The following SVEP1 variants were observed in gnomAD, a reference collection of about 807,000 sequenced individuals.
The protein encoded by SVEP1 is sushi, von Willebrand factor type A, EGF and pentraxin domain-containing protein 1.
SVEP1 carries 164 observed loss-of-function variants against 367.3 expected under a neutral mutation model. That is an observed-to-expected ratio of 0.45 (90% CI 0.39 to 0.51). The LOEUF is 0.51. Among genes scored for constraint, SVEP1 ranks in the 20% least tolerant of loss-of-function variants. The probability of loss-of-function intolerance (pLI) is 0.00; values close to 1 mark genes in which losing one functional copy is unlikely to be tolerated. For synonymous variants in SVEP1, 1,666 were observed against 1,611.6 expected, an observed-to-expected ratio of 1.03 and a Z score of -0.81; for missense variants, 4,117 against 4,425.3, an observed-to-expected ratio of 0.93 and a Z score of 1.98.
At chr9:110,531,211 T>C (rs1468112843) in intron 3 of SVEP1, among the ~76,000 whole-genome samples, 1 of 152,218 alleles carries the variant, frequency 6.6e-6, no homozygotes, top group Non-Finnish European at 1.5e-5. Context: ...ATATAGTGAT[T>C]TGATTTTTTT....
chr9:110,503,625 A>G (rs1347762383), intron 5 of SVEP1, among the ~76,000 whole-genome samples: 1 of 152,228 alleles, frequency 6.6e-6, no homozygotes, highest in Non-Finnish European at 1.5e-5. Flanking sequence ...TTTCAGGTTC[A>G]TGATCGACTT....
At chr9:110,458,865 A>G in intron 19 of SVEP1, 87 bp downstream of exon 19, 4 of 1,480,470 alleles carry the variant, frequency 2.7e-6, no homozygotes, top group Middle Eastern at 1.8e-4. Context: ...CACCGAAAAT[A>G]GTAATATTCA....
intron 43 of SVEP1, among the ~76,000 whole-genome samples, chr9:110,385,341 A>G (rs572664783): frequency 6.6e-6 from 1 of 152,348 alleles, no homozygotes; most frequent in African/African-American, 2.4e-5. Context: ...GCGTTATCAC[A>G]AGGCTGAAAA....
chr9:110,442,997 A>T (rs1198868362), intron 27 of SVEP1: 1 of 152,208 alleles, frequency 6.6e-6, no homozygotes, highest in African/African-American at 2.4e-5. Context: ...AAATAATGTC[A>T]TATGCATATA....
chr9:110,524,000 A>G (rs1455367920), intron 3 of SVEP1, among the ~76,000 whole-genome samples: 1 of 152,126 alleles, frequency 6.6e-6, no homozygotes, highest in Non-Finnish European at 1.5e-5. Context: ...CTCCATGGAC[A>G]TGGAAAAGAT....
At chr9:110,386,553 T>C (rs1270721349) in intron 42 of SVEP1, among the ~76,000 whole-genome samples, 1 of 152,216 alleles carries the variant, frequency 6.6e-6, no homozygotes, top group Admixed American at 6.5e-5. Flanking sequence ...GAGCTGAATG[T>C]GACTTTAGAC....
At chr9:110,393,304 T>G (rs944635553) in intron 40 of SVEP1, among the ~76,000 whole-genome samples, 1 of 152,184 alleles carries the variant, frequency 6.6e-6, no homozygotes, top group Admixed American at 6.6e-5. Flanking sequence ...ATAAGCCTGG[T>G]CCCAGACTGC....
chr9:110,531,739 G>A (rs770715565), intron 3 of SVEP1, among the ~76,000 whole-genome samples: 9 of 152,202 alleles, frequency 5.9e-5, no homozygotes, highest in East Asian at 3.9e-4. Flanking sequence ...TAAATAGCTC[G>A]TTTAGTAAAA....
At chr9:110,562,220 A>C (rs575078986) in intron 1 of SVEP1, among the ~76,000 whole-genome samples, 34 of 149,048 alleles carry the variant, frequency 2.3e-4, no homozygotes, top group Admixed American at 1.3e-3. Context: ...GGAATAAAGA[A>C]AATATGAATA....
At chr9:110,437,571 C>T (rs1356220455) in intron 27 of SVEP1, among the ~76,000 whole-genome samples, 1 of 152,220 alleles carries the variant, frequency 6.6e-6, no homozygotes, top group Non-Finnish European at 1.5e-5. Context: ...TTCTCAGTCT[C>T]CCTTCTCTGC....
rs1395294932 is a variant in SVEP1 at position 110,514,107 on chromosome 9, C to G, written c.965-1G>C. ...GGTTTGTATGTCCCCGATGGGCAAG[C>G]TGTGGGCAGACAAGCCGGAGAAGTC... On this transcript the variant is annotated splice_acceptor_variant, in intron 3 of 47. Transcript: ENST00000374469. LOFTEE classifies it high-confidence loss of function. 1.9e-6 allele frequency: 3 copies of G among 1,608,038 alleles called. No homozygotes were observed. Among genetic ancestry groups the G allele is most frequent in the Non-Finnish European group, 2.5e-6 (3 of 1,176,960 alleles).
Position 110,390,336 on chromosome 9 carries a change from C to CTTATATAAGTATATATATACGTATATAT in SVEP1, c.9823-750_9823-749insATATATACGTATATATATACTTATATAA, listed in dbSNP as rs1288152358. ...ATGTGTATATATACTTATATATACA[C>CTTATATAAGTATATATATACGTATATAT]ATACTTATATACACTTATATATATA... is the stretch of plus-strand genomic sequence containing the variant. On this transcript the variant is annotated intron_variant, in intron 40 of 47. Coordinates refer to ENST00000374469, the MANE Select transcript of SVEP1 (RefSeq NM_153366.4). Among the ~76,000 whole-genome samples the CTTATATAAGTATATATATACGTATATAT allele has an allele frequency of 2.8e-3, 64 of 22,996 alleles. 4 individuals are homozygous for CTTATATAAGTATATATATACGTATATAT. Among genetic ancestry groups the CTTATATAAGTATATATATACGTATATAT allele is most frequent in the African/African-American group, 0.021 (63 of 3,060 alleles). 15.1% of individuals were successfully genotyped at this position (22,996 alleles called of 152,430 possible).
chr9:110,534,819 C>T (rs535882669), intron 3 of SVEP1, among the ~76,000 whole-genome samples: 5 of 151,970 alleles, frequency 3.3e-5, no homozygotes, highest in African/African-American at 1.2e-4. Flanking sequence ...TGCGTGTATG[C>T]CTTTGAAAAC....
intron 3 of SVEP1, among the ~76,000 whole-genome samples, chr9:110,528,590 C>T (rs1176172820): frequency 6.6e-6 from 1 of 151,678 alleles, no homozygotes; most frequent in Non-Finnish European, 1.5e-5. Context: ...TGTTTGTTGG[C>T]CATTTATATA....
chr9:110,476,373 A>C, intron 13 of SVEP1, 58 bp from the exon 14 acceptor site: 1 of 1,332,722 alleles, frequency 7.5e-7, no homozygotes, highest in East Asian at 2.3e-5. Flanking sequence ...TGCCTTGGAT[A>C]AACACTTTGC....
At chr9:110,539,779 T>C (rs1160743816) in intron 3 of SVEP1, among the ~76,000 whole-genome samples, 2 of 152,004 alleles carry the variant, frequency 1.3e-5, no homozygotes, top group Non-Finnish European at 2.9e-5. Context: ...TTTTAGTATA[T>C]ATGCTGCCAA....
At position 110,547,507 on chromosome 9, in the gene SVEP1, G is replaced by A. The variant is rs12684241; in HGVS notation, c.788-1216C>T. Among the ~76,000 whole-genome samples, 207 of 152,266 alleles carry A rather than the reference G, an allele frequency of 1.4e-3. 4 individuals are homozygous for A. The East Asian group carries it at 0.036, about 26-fold the overall frequency. ...GGAGGATCACTTGAGCCTGGGAGGT[G>A]GAGGCTGCAGCGAGGTGTGATCACA... On this transcript the variant is annotated intron_variant, in intron 2 of 47. Transcript: ENST00000374469.
At chr9:110,393,270 C>A in intron 40 of SVEP1, among the ~76,000 whole-genome samples, 1 of 152,142 alleles carries the variant, frequency 6.6e-6, no homozygotes, top group East Asian at 1.9e-4. Flanking sequence ...ATATTATCAT[C>A]TTTTTTGAGG....
chr9:110,414,836 C>T (rs1828093787), intron 36 of SVEP1, among the ~76,000 whole-genome samples: 1 of 151,874 alleles, frequency 6.6e-6, no homozygotes, highest in African/African-American at 2.4e-5. Context: ...AAGCATAAAT[C>T]AGCATCAATA....
Sources: allele counts gnomAD v4.1 joint callset (sites outside exome capture counted in the v4.1 genomes callset), GRCh38; gene constraint gnomAD v4.1.1; transcripts MANE v1.5; gene names NCBI Gene and HGNC (gene_info 2026-07-23, HGNC 2026-07-21).